The following ATP2B4 variants were observed in gnomAD, a reference collection of about 807,000 sequenced individuals.
The protein encoded by ATP2B4 is plasma membrane calcium-transporting ATPase 4.
A neutral mutation model predicts 110.3 loss-of-function variants in ATP2B4; 39 were observed. That is an observed-to-expected ratio of 0.35 (90% CI 0.27 to 0.46). The LOEUF is 0.46. ATP2B4 is among the 20% of genes least tolerant of loss of function. The pLI, the probability that ATP2B4 is intolerant of heterozygous loss-of-function variation, is 1.00. For synonymous variants in ATP2B4, 538 were observed against 571.7 expected, an observed-to-expected ratio of 0.94 and a Z score of 0.84; for missense variants, 1,135 against 1,530.9, an observed-to-expected ratio of 0.74 and a Z score of 4.32.
intron 1 of ATP2B4, among the ~76,000 whole-genome samples, chr1:203,667,072 C>A (rs1651211941): frequency 1.3e-5 from 2 of 152,196 alleles, no homozygotes; most frequent in Admixed American, 1.3e-4. Context: ...CCACCTCAGC[C>A]TCCAGAGTAG....
rs565895836 is a variant in ATP2B4, at chr1:203,713,621, T to C, written c.2299+369T>C. ...CTGGGACTACAGGCGCATGCCACCA[T>C]GCCTGATTAATTTTTGTATTCTTAG... On this transcript the variant is annotated intron_variant, in intron 14 of 20. Transcript: ENST00000357681. 6.2e-4 allele frequency among the ~76,000 whole-genome samples: 94 copies of C among 152,188 alleles called. 1 individual carries two copies. Among genetic ancestry groups the C allele is most frequent in the African/African-American group, 2.0e-3 (85 of 41,530 alleles).
At chr1:203,738,182 G>A (rs1666916956) in intron 20 of ATP2B4, among the ~76,000 whole-genome samples, 1 of 151,440 alleles carries the variant, frequency 6.6e-6, no homozygotes, top group Non-Finnish European at 1.5e-5. Context: ...AGATTTTTTG[G>A]ACAAGACTAG....
chr1:203,690,996 T>C (rs375933300), intron 2 of ATP2B4, among the ~76,000 whole-genome samples: 63 of 152,316 alleles, frequency 4.1e-4, no homozygotes, highest in Middle Eastern at 6.8e-3. Context: ...CTGTGGGTTC[T>C]CTCTTCCTAG....
chr1:203,723,420 A>ATCTCTCTTTCTC (rs1666399235), intron 18 of ATP2B4, among the ~76,000 whole-genome samples: 1 of 44,538 alleles, frequency 2.2e-5, no homozygotes. Flanking sequence ...TGAGACAGAT[A>ATCTCTCTTTCTC]TCTCTCTCTC....
chr1:203,720,769 G>GGAGGGATGAGTCAGGGGCT, intron 16 of ATP2B4, 29 bp downstream of exon 16: 1 of 1,593,346 alleles, frequency 6.3e-7, no homozygotes, highest in Non-Finnish European at 8.6e-7. Context: ...GGCTGAGACG[G>GGAGGGATGAGTCAGGGGCT]GAGGGATGAG....
intron 1 of ATP2B4, among the ~76,000 whole-genome samples, chr1:203,650,884 A>G (rs1298031701): frequency 6.6e-6 from 1 of 152,098 alleles, no homozygotes; most frequent in Non-Finnish European, 1.5e-5. Context: ...GTTGATTGAT[A>G]TTTTTTTATT....
rs972209843 is a variant in ATP2B4, at chr1:203,676,462, A to G, written c.-464-6280A>G. Among the ~76,000 whole-genome samples the G allele has an allele frequency of 8.5e-5, 13 of 152,084 alleles. 1 individual carries two copies. The highest frequency in any genetic ancestry group is 3.1e-4 in the African/African-American group (13 of 41,400). Reference sequence around the variant, plus strand: ...GCCTGAGATTCACACCTCCGGAGAGAAGGGCTAGCCAGGGATGTTTTAGGC... The same window carrying G: ...GCCTGAGATTCACACCTCCGGAGAGGAGGGCTAGCCAGGGATGTTTTAGGC... On this transcript the variant is annotated intron_variant, in intron 1 of 20. Coordinates refer to ENST00000357681, the MANE Select transcript of ATP2B4 (RefSeq NM_001684.5).
chr1:203,638,561 G>A (rs1236753687), intron 1 of ATP2B4, among the ~76,000 whole-genome samples: 2 of 152,104 alleles, frequency 1.3e-5, no homozygotes, highest in Non-Finnish European at 2.9e-5. Context: ...ATTTGAGATG[G>A]ACAGAGAACT....
Position 203,708,187 on chromosome 1 carries a change from T to G in ATP2B4, c.1557+83T>G, listed in dbSNP as rs978797034. ...TTCTCTGAAATGAACCCCCTTATTG[T>G]TTACACTGCCTAAATTGCCATCCCA... On this transcript the variant is annotated intron_variant, in intron 10 of 20. Coordinates refer to ENST00000357681, the MANE Select transcript of ATP2B4 (RefSeq NM_001684.5). 6.4e-6 allele frequency: 10 copies of G among 1,559,998 alleles called. No homozygotes were observed. The Admixed American group carries it at 1.2e-4, about 19-fold the overall frequency.
rs766094826 is a variant in ATP2B4 at position 203,708,038 on chromosome 1, G to C, written c.1491G>C (p.Leu497=). 2 of 1,614,156 alleles carry C rather than the reference G, an allele frequency of 1.2e-6. No homozygotes were observed. The highest frequency in any genetic ancestry group is 1.7e-6 in the Non-Finnish European group (2 of 1,180,034). The part of the protein sequence containing the change: ...YRQIPSPDVF[L]PKVLDLIVNG... Reference sequence around the variant, plus strand: ...AAATCCCAAGCCCTGATGTCTTCCTGCCCAAAGTCCTGGACCTCATTGTCA... The same window carrying C: ...AAATCCCAAGCCCTGATGTCTTCCTCCCCAAAGTCCTGGACCTCATTGTCA... The change falls in exon 10 of 21, where the codon CTG becomes CTC. Residue 497 remains leucine, a synonymous_variant. Transcript: ENST00000357681.
At chr1:203,682,344 C>T (rs773551157) in intron 1 of ATP2B4, among the ~76,000 whole-genome samples, 3 of 152,142 alleles carry the variant, frequency 2.0e-5, no homozygotes, top group Admixed American at 6.5e-5. Context: ...GACCTCTTCT[C>T]ATCTTTTATA....
intron 2 of ATP2B4, among the ~76,000 whole-genome samples, chr1:203,688,629 T>A (rs947047113): frequency 6.6e-6 from 1 of 152,122 alleles, no homozygotes; most frequent in Non-Finnish European, 1.5e-5. Flanking sequence ...TACTGGCTTG[T>A]GTTCCTTGAG....
chr1:203,723,932 CTG>C lies in ATP2B4; in HGVS notation c.3078_3079del (p.Gln1028ValfsTer50). The C allele has an allele frequency of 6.2e-7, 1 of 1,611,890 alleles. No individual in the cohort carries two copies. The highest frequency in any genetic ancestry group is 1.7e-4 in the Middle Eastern group (1 of 6,052). On this transcript the variant is annotated frameshift_variant, in exon 19 of 21. Coordinates refer to ENST00000357681, the MANE Select transcript of ATP2B4 (RefSeq NM_001684.5). LOFTEE classifies it high-confidence loss of function. The stretch of plus-strand genomic sequence containing the variant: ...ACCCTTCAGTTGTACAAGCCTCAGC[CTG>C]TCTCAGTGGCTGTGGTGTCTCTTCA... ...GKPFSCTSLSLSQWLWCLFIG... is the reference protein window; with the variant it reads ...GKPFSCTSLSXSQWLWCLFIG...
At chr1:203,649,950 C>G (rs900600409) in intron 1 of ATP2B4, among the ~76,000 whole-genome samples, 4 of 152,314 alleles carry the variant, frequency 2.6e-5, no homozygotes, top group Non-Finnish European at 4.4e-5. Context: ...AGGTTACCTC[C>G]CCTTCTTCCA....
At chr1:203,648,292 T>TA (rs530841589) in intron 1 of ATP2B4, among the ~76,000 whole-genome samples, 4,450 of 150,920 alleles carry the variant, frequency 0.029, 116 homozygotes, top group African/African-American at 0.066. Flanking sequence ...AGTGTTTTTT[T>TA]TAAAAAAAAA....
chr1:203,689,999 ATTT>A (rs919622337), intron 2 of ATP2B4, among the ~76,000 whole-genome samples: 9 of 152,134 alleles, frequency 5.9e-5, no homozygotes, highest in Admixed American at 2.0e-4. Flanking sequence ...AGATGCCAGC[ATTT>A]TTGCCTTCCT....
chr1:203,665,323 C>G (rs1000802417), intron 1 of ATP2B4, among the ~76,000 whole-genome samples: 5 of 152,214 alleles, frequency 3.3e-5, no homozygotes, highest in Admixed American at 2.6e-4. Context: ...GTGGGAGGCC[C>G]ACGCTGTGAT....
intron 2 of ATP2B4, among the ~76,000 whole-genome samples, chr1:203,690,294 A>G (rs1665327636): frequency 6.6e-6 from 1 of 152,182 alleles, no homozygotes; most frequent in Non-Finnish European, 1.5e-5. Flanking sequence ...TAGCAGATTG[A>G]AATTTCTAGT....
intron 1 of ATP2B4, among the ~76,000 whole-genome samples, chr1:203,656,334 A>G (rs888495065): frequency 2.0e-5 from 3 of 152,196 alleles, no homozygotes; most frequent in Admixed American, 2.0e-4. Context: ...AATGCTAAGA[A>G]AGTACAAAGA....
Sources: gnomAD v4.1 joint callset for allele counts (sites outside exome capture counted in the v4.1 genomes callset) on GRCh38, gnomAD v4.1.1 for gene constraint, MANE v1.5 for transcripts, NCBI Gene and HGNC (gene_info 2026-07-23, HGNC 2026-07-21) for gene names.